The following RNF128 variants were observed in gnomAD, a reference collection of about 807,000 sequenced individuals.
The protein encoded by RNF128 is E3 ubiquitin-protein ligase RNF128.
Under a neutral mutation model 26.2 loss-of-function variants are expected in RNF128, and 13 were observed. That is an observed-to-expected ratio of 0.50 (90% CI 0.32 to 0.79). The LOEUF is 0.79. RNF128 is among the 30% of genes least tolerant of loss of function. RNF128 has a pLI of 0.03. For synonymous variants in RNF128, 149 were observed against 142.5 expected (o/e 1.05, Z -0.32); for missense variants, 315 against 349.7 (o/e 0.90, Z 0.79).
chrX:106,784,324 T>C (rs1930614015), intron 2 of RNF128, among the ~76,000 whole-genome samples: 1 of 111,529 alleles, frequency 9.0e-6, no homozygotes, highest in Non-Finnish European at 1.9e-5. Context: ...CCTCACCTGG[T>C]AGATTCTTCC....
intron 3 of RNF128, among the ~76,000 whole-genome samples, chrX:106,787,406 A>T (rs777137224): frequency 2.4e-4 from 27 of 111,245 alleles, no homozygotes; most frequent in African/African-American, 7.5e-4. Flanking sequence ...AAACTATAAA[A>T]ACAGATCAGT....
At chrX:106,738,441 T>C (rs888325284) in intron 1 of RNF128, among the ~76,000 whole-genome samples, 20 of 111,732 alleles carry the variant, frequency 1.8e-4, no homozygotes, top group African/African-American at 6.5e-4. Flanking sequence ...TTGTTTCATA[T>C]GTAGAAGCAG....
At chrX:106,771,518 T>TGA (rs754262408) in intron 1 of RNF128, among the ~76,000 whole-genome samples, 4 of 112,790 alleles carry the variant, frequency 3.5e-5, no homozygotes, top group Non-Finnish European at 7.5e-5. Context: ...GTGTTAGCAG[T>TGA]GAGCGAGGCT....
At chrX:106,715,655 G>T (rs1246669210) in intron 1 of RNF128, among the ~76,000 whole-genome samples, 4 of 111,998 alleles carry the variant, frequency 3.6e-5, no homozygotes. Context: ...ATAAAAGAGA[G>T]CTTTTAGCAG....
At chrX:106,701,958 C>T (rs1019397819) in intron 1 of RNF128, among the ~76,000 whole-genome samples, 6 of 110,879 alleles carry the variant, frequency 5.4e-5, no homozygotes, top group African/African-American at 2.0e-4. Context: ...AAGTATATAA[C>T]ATGTTACGCC....
At chrX:106,768,718 T>A (rs1930303415) in intron 1 of RNF128, among the ~76,000 whole-genome samples, 1 of 111,552 alleles carries the variant, frequency 9.0e-6, no homozygotes, top group Non-Finnish European at 1.9e-5. Context: ...TATCTCCTTC[T>A]CTTCTGCTCT....
At chrX:106,765,996 G>T (rs1221142463) in intron 1 of RNF128, among the ~76,000 whole-genome samples, 2 of 108,272 alleles carry the variant, frequency 1.8e-5, no homozygotes, top group Non-Finnish European at 3.8e-5. Context: ...GTGATAGTTT[G>T]CTCAGAATGA....
chrX:106,734,752 G>T (rs962550208), intron 1 of RNF128, among the ~76,000 whole-genome samples: 11 of 111,831 alleles, frequency 9.8e-5, no homozygotes, highest in Non-Finnish European at 1.5e-4. Context: ...AGCACCTCAC[G>T]CTCCAATATG....
Position 106,788,381 on chromosome X carries a change from T to A in RNF128, c.887+381T>A, listed in dbSNP as rs748296944. On this transcript the variant is annotated intron_variant, in intron 4 of 6. Transcript: ENST00000255499. ...ACTATATATAATATATATTATATATTATATATAATATATATTATATATAAT... is the reference window on the plus strand; with the variant it reads ...ACTATATATAATATATATTATATATAATATATAATATATATTATATATAAT... Among the ~76,000 whole-genome samples, 42 of 39,532 alleles carry A rather than the reference T, an allele frequency of 1.1e-3. 1 individual carries two copies. The highest frequency in any genetic ancestry group is 7.9e-3 in the South Asian group (6 of 755). The allele number at this position is 39,532 out of a possible 115,157, so 34.3% of individuals were successfully genotyped here.
intron 1 of RNF128, among the ~76,000 whole-genome samples, chrX:106,699,371 C>T (rs752489321): frequency 1.7e-4 from 19 of 112,308 alleles, no homozygotes; most frequent in Non-Finnish European, 3.0e-4. Context: ...GAGAAATAAG[C>T]GCAAGCTTTT....
At chrX:106,746,574 C>G (rs1180165623) in intron 1 of RNF128, among the ~76,000 whole-genome samples, 1 of 111,109 alleles carries the variant, frequency 9.0e-6, no homozygotes, top group East Asian at 2.8e-4. Context: ...CAGTGGATTT[C>G]TATACGTTGT....
intron 1 of RNF128, among the ~76,000 whole-genome samples, chrX:106,755,102 A>G (rs1929977152): frequency 8.9e-6 from 1 of 112,177 alleles, no homozygotes; most frequent in Non-Finnish European, 1.9e-5. Flanking sequence ...CAGAAATTCA[A>G]AGAATCCCTG....
chrX:106,747,824 T>C (rs1929814837), intron 1 of RNF128, among the ~76,000 whole-genome samples: 3 of 112,407 alleles, frequency 2.7e-5, no homozygotes, highest in Non-Finnish European at 5.6e-5. Flanking sequence ...ATAGTAGATA[T>C]ATACAATTCA....
chrX:106,726,884 G>T lies in RNF128; in HGVS notation c.-30G>T, dbSNP rs1222904912. 4.4e-6 allele frequency: 5 copies of T among 1,145,487 alleles called. No homozygotes were observed. In the South Asian group the frequency reaches 8.2e-5, roughly 19 times the overall value. 94.4% of individuals were successfully genotyped at this position (1,145,487 alleles called of 1,213,427 possible). A position where few individuals can be genotyped will look rare whatever the true frequency, so the allele number is the denominator to read the frequency against. Reference sequence around the variant, plus strand: ...AAGCGCTAGGAGGGCGCGTGCCAGGGGCGCTAGGGAACTGCGGAGCGCGCG... The same window carrying T: ...AAGCGCTAGGAGGGCGCGTGCCAGGTGCGCTAGGGAACTGCGGAGCGCGCG... On this transcript the variant is annotated 5_prime_UTR_variant, in exon 1 of 7. Transcript: ENST00000255499.
At chrX:106,696,747 G>C (rs1212939814) in intron 1 of RNF128, among the ~76,000 whole-genome samples, 4 of 111,393 alleles carry the variant, frequency 3.6e-5, no homozygotes, top group African/African-American at 1.3e-4. Context: ...CTTCCACAAT[G>C]TTGTGTCTCT....
In RNF128 at chrX:106,795,626, G is replaced by A; in HGVS notation, c.1200G>A (p.Val400=). 1 of 1,199,437 alleles carries A rather than the reference G, an allele frequency of 8.3e-7. No homozygotes were observed. Among genetic ancestry groups the A allele is most frequent in the South Asian group, 1.8e-5 (1 of 54,663 alleles). The change falls in exon 7 of 7, where the codon GTG becomes GTA. Residue 400 remains valine (V), a synonymous_variant. Transcript: ENST00000255499. ...ACCATGAAGCAAATTCTGTGGCAGT[G>A]GATGTTATTCCTCATGTTGACAACC... ...LVNHEANSVA[V]DVIPHVDNPT...
intron 1 of RNF128, among the ~76,000 whole-genome samples, chrX:106,697,754 G>A (rs771625736): frequency 6.4e-4 from 71 of 110,799 alleles, no homozygotes; most frequent in Admixed American, 5.3e-3. Context: ...ATTTCAGTTT[G>A]AGAATAGCTT....
chrX:106,784,876 G>A (rs1335831681), intron 2 of RNF128, among the ~76,000 whole-genome samples, 189 bp from the exon 3 acceptor site: 1 of 111,534 alleles, frequency 9.0e-6, no homozygotes, highest in Non-Finnish European at 1.9e-5. Flanking sequence ...AAAAGTCTCA[G>A]TAACTTGGAA....
chrX:106,780,381 A>G (rs982758989), intron 2 of RNF128, among the ~76,000 whole-genome samples: 1 of 111,852 alleles, frequency 8.9e-6, no homozygotes, highest in Non-Finnish European at 1.9e-5. Context: ...AAAAAAAACC[A>G]TGTAGTGGAG....
Sources: allele counts gnomAD v4.1 joint callset (sites outside exome capture counted in the v4.1 genomes callset), GRCh38; gene constraint gnomAD v4.1.1; transcripts MANE v1.5; gene names NCBI Gene and HGNC (gene_info 2026-07-23, HGNC 2026-07-21).